Variants in RANBP10 observed in about 807,000 individuals in gnomAD.
RANBP10 encodes ran-binding protein 10.
RANBP10 carries 24 observed loss-of-function variants against 72.8 expected under a neutral mutation model. That is an observed-to-expected ratio of 0.33 (90% CI 0.24 to 0.46). RANBP10 has a LOEUF of 0.46. Among genes scored for constraint, RANBP10 ranks in the 20% least tolerant of loss-of-function variants. The probability of loss-of-function intolerance (pLI) is 1.00; values close to 1 mark genes in which losing one functional copy is unlikely to be tolerated. For synonymous variants in RANBP10, 310 were observed against 322.3 expected, an observed-to-expected ratio of 0.96 and a Z score of 0.41; for missense variants, 679 against 817.5, an observed-to-expected ratio of 0.83 and a Z score of 2.07.
At chr16:67,760,248 C>T (rs980249053) in intron 3 of RANBP10, among the ~76,000 whole-genome samples, 2 of 152,174 alleles carry the variant, frequency 1.3e-5, no homozygotes, top group East Asian at 1.9e-4. Context: ...CAGGGAGGAA[C>T]GATATCAAAC....
chr16:67,799,901 T>C (rs1356267182), intron 2 of RANBP10, among the ~76,000 whole-genome samples: 2 of 151,922 alleles, frequency 1.3e-5, no homozygotes, highest in Non-Finnish European at 2.9e-5. Context: ...GGAGGGCAGA[T>C]CATGAGGTCA....
At position 67,728,701 on chromosome 16, in the gene RANBP10, G is replaced by A. The variant is rs562050603; in HGVS notation, c.1353-190C>T. 109 of 1,063,976 alleles carry A rather than the reference G, an allele frequency of 1.0e-4. No homozygotes were observed. The African/African-American group carries it at 1.4e-3, about 14-fold the overall frequency. The allele number at this position is 1,063,976 out of a possible 1,614,324, so 65.9% of individuals were successfully genotyped here. On this transcript the variant is annotated intron_variant, in intron 10 of 13. Coordinates refer to ENST00000317506, the MANE Select transcript of RANBP10 (RefSeq NM_020850.3). Reference sequence around the variant, plus strand: ...ACTGTGACACCAGCTATCCTCAGAGGCCTGTCACCTGATTCCCACCCTTGC... The same window carrying A: ...ACTGTGACACCAGCTATCCTCAGAGACCTGTCACCTGATTCCCACCCTTGC...
chr16:67,726,541 T>C lies in RANBP10; in HGVS notation c.1750A>G (p.Lys584Glu), dbSNP rs920358017. ...SAILESQNLP[K>E]QPPLMLALGQ... The stretch of plus-strand genomic sequence containing the variant: ...AGGGCGAGCATCAGAGGGGGCTGCT[T>C]TGGCAGGTTCTGGGACTCTGTGGAG... Residue 584 changes from lysine to glutamate, a missense_variant, in exon 14 of 14, where the codon AAG (lysine) becomes GAG (glutamate). Transcript: ENST00000317506. The C allele has an allele frequency of 1.3e-6, 2 of 1,560,952 alleles. No individual in the cohort carries two copies. The highest frequency in any genetic ancestry group is 2.7e-5 in the African/African-American group (2 of 73,602).
rs764947525 is a variant in RANBP10, at chr16:67,734,999, A to C, written c.635T>G (p.Ile212Ser). 6.2e-7 allele frequency: 1 copy of C among 1,613,606 alleles called. No individual in the cohort carries two copies. Among genetic ancestry groups the C allele is most frequent in the Admixed American group, 1.7e-5 (1 of 59,964 alleles). Residue 212 changes from isoleucine to serine, a missense_variant, in exon 6 of 14, where the codon ATT becomes AGT. Transcript: ENST00000317506. Reference protein sequence around the residue: ...PTVGLQTPGEIVDANFGQQPF... With the variant: ...PTVGLQTPGESVDANFGQQPF... ...CTGCTGCCCAAAGTTGGCGTCCACAATCTCCCCAGGTGTCTGCAGGCCTAC... is the reference window on the plus strand; with the variant it reads ...CTGCTGCCCAAAGTTGGCGTCCACACTCTCCCCAGGTGTCTGCAGGCCTAC...
chr16:67,748,951 C>T (rs1361339327), intron 3 of RANBP10, among the ~76,000 whole-genome samples: 1 of 152,162 alleles, frequency 6.6e-6, no homozygotes, highest in Non-Finnish European at 1.5e-5. Flanking sequence ...CATGCTTAAG[C>T]ACATCCCTCT....
intron 3 of RANBP10, among the ~76,000 whole-genome samples, chr16:67,750,836 G>A (rs562051868): frequency 2.1e-4 from 30 of 140,562 alleles, no homozygotes; most frequent in Admixed American, 1.8e-3. Context: ...GCGCAATCTC[G>A]GCTCACTGCA....
At chr16:67,785,922 A>C (rs1282439004) in intron 2 of RANBP10, among the ~76,000 whole-genome samples, 2 of 151,668 alleles carry the variant, frequency 1.3e-5, no homozygotes, top group Non-Finnish European at 2.9e-5. Flanking sequence ...GCTACTCGGG[A>C]GGCTGAGGCA....
chr16:67,765,670 A>G (rs529644375), intron 3 of RANBP10, among the ~76,000 whole-genome samples: 2 of 151,768 alleles, frequency 1.3e-5, no homozygotes, highest in South Asian at 4.2e-4. Context: ...CCCCATCTCT[A>G]CTAAAAATAC....
chr16:67,794,325 C>T lies in RANBP10; in HGVS notation c.347+11103G>A, dbSNP rs1597919409. Among the ~76,000 whole-genome samples, 4 of 151,894 alleles carry T rather than the reference C, an allele frequency of 2.6e-5. 1 individual carries two copies. Among genetic ancestry groups the T allele is most frequent in the Admixed American group, 2.6e-4 (4 of 15,240 alleles). On this transcript the variant is annotated intron_variant, in intron 2 of 13. Transcript: ENST00000317506. ...TGGTGGTGCATGCCTGTAACCTCAG[C>T]TCTCAGGAGGCTGAGGCGGGAGAAT...
At chr16:67,765,833 C>T (rs1235397572) in intron 3 of RANBP10, among the ~76,000 whole-genome samples, 3 of 152,036 alleles carry the variant, frequency 2.0e-5, no homozygotes, top group Middle Eastern at 3.4e-3. Flanking sequence ...AAGACTCCAT[C>T]TAAATAAATA....
intron 3 of RANBP10, among the ~76,000 whole-genome samples, chr16:67,766,996 C>T (rs1413925759): frequency 1.3e-5 from 2 of 152,130 alleles, no homozygotes; most frequent in African/African-American, 4.8e-5. Context: ...CAGAGTGAAA[C>T]AAAGACAAGT....
chr16:67,777,029 G>A (rs1313698757), intron 2 of RANBP10, among the ~76,000 whole-genome samples: 2 of 150,998 alleles, frequency 1.3e-5, no homozygotes, highest in Admixed American at 1.3e-4. Flanking sequence ...GACCAACATG[G>A]TGAAAACCCA....
chr16:67,756,672 C>G (rs1245877083), intron 3 of RANBP10, among the ~76,000 whole-genome samples: 1 of 151,890 alleles, frequency 6.6e-6, no homozygotes, highest in Non-Finnish European at 1.5e-5. Flanking sequence ...CACTGCACCC[C>G]AGGCTGGGCG....
At chr16:67,753,706 G>A (rs1249910365) in intron 3 of RANBP10, among the ~76,000 whole-genome samples, 2 of 152,168 alleles carry the variant, frequency 1.3e-5, no homozygotes, top group African/African-American at 4.8e-5. Flanking sequence ...GGCTGGAGCT[G>A]AGCGAGACTT....
intron 4 of RANBP10, among the ~76,000 whole-genome samples, chr16:67,740,985 A>C (rs1200425142): frequency 1.3e-5 from 2 of 152,042 alleles, no homozygotes; most frequent in Non-Finnish European, 1.5e-5. Flanking sequence ...GATATTGCTT[A>C]CTCCAGGGCT....
chr16:67,806,307 T>C lies in RANBP10; in HGVS notation c.230A>G (p.Tyr77Cys), dbSNP rs767320701. 5 of 1,611,706 alleles carry C rather than the reference T, an allele frequency of 3.1e-6. No homozygotes were observed. In the Admixed American group the frequency reaches 5.0e-5, roughly 16 times the overall value. The change falls in exon 1 of 14, where the codon TAC (tyrosine) becomes TGC (cysteine). Residue 77 changes from tyrosine (Y) to cysteine (C), a missense_variant. By Grantham distance (194) the Tyr-to-Cys change is radical. Coordinates refer to ENST00000317506, the MANE Select transcript of RANBP10 (RefSeq NM_020850.3). The stretch of plus-strand genomic sequence containing the variant: ...CCAGCCTGACGGGCCGATACCTTTG[T>C]AGTGGACGCGGAGGTTGCCCTGGGA... The part of the protein sequence containing the change: ...GLSQGNLRVH[Y>C]KGHGKNHKDA...
At position 67,798,084 on chromosome 16, in the gene RANBP10, G is replaced by A. The variant is rs193133912; in HGVS notation, c.347+7344C>T. Among the ~76,000 whole-genome samples the A allele has an allele frequency of 1.1e-4, 17 of 150,796 alleles. No individual in the cohort carries two copies. The Middle Eastern group carries it at 0.014, about 124-fold the overall frequency. On this transcript the variant is annotated intron_variant, in intron 2 of 13. Coordinates refer to ENST00000317506, the MANE Select transcript of RANBP10 (RefSeq NM_020850.3). ...TTCCAGAACCCAAACATCCTACCCT[G>A]TGTTCCAGAACCCAAACATTCCATG...
At chr16:67,778,264 G>T (rs1042417972) in intron 2 of RANBP10, among the ~76,000 whole-genome samples, 5 of 152,064 alleles carry the variant, frequency 3.3e-5, no homozygotes, top group Non-Finnish European at 7.4e-5. Context: ...CAGGAGAATC[G>T]CTTGAACCCA....
intron 4 of RANBP10, among the ~76,000 whole-genome samples, chr16:67,740,924 C>T (rs1490245894): frequency 6.6e-6 from 1 of 152,118 alleles, no homozygotes; most frequent in Non-Finnish European, 1.5e-5. Context: ...CCCCAATGTC[C>T]ACCCTCCAGG....
Sources: allele counts gnomAD v4.1 joint callset (sites outside exome capture counted in the v4.1 genomes callset), GRCh38; gene constraint gnomAD v4.1.1; transcripts MANE v1.5; gene names NCBI Gene and HGNC (gene_info 2026-07-23, HGNC 2026-07-21).